PIK3C2A: variants seen among roughly 807,000 people sequenced by gnomAD.
PIK3C2A encodes phosphatidylinositol 4-phosphate 3-kinase C2 domain-containing subunit alpha.
Under a neutral mutation model 204.5 loss-of-function variants are expected in PIK3C2A, and 97 were observed. The observed-to-expected ratio is 0.47, with a 90% confidence interval of 0.40 to 0.56. PIK3C2A has a LOEUF of 0.56. Ranked by LOEUF, PIK3C2A falls within the 20% of genes least tolerant of loss-of-function variation. PIK3C2A has a pLI of 0.00. For missense variants in PIK3C2A, 1,735 were observed against 1,969.2 expected (o/e 0.88, Z 2.25); for synonymous variants, 653 against 664.4 (o/e 0.98, Z 0.26).
At chr11:17,166,035 T>A (rs1352627302) in intron 2 of PIK3C2A, among the ~76,000 whole-genome samples, 1 of 152,318 alleles carries the variant, frequency 6.6e-6, no homozygotes, top group South Asian at 2.1e-4. Context: ...ATACCTCACT[T>A]GATTTTACTA....
Position 17,091,603 on chromosome 11 carries a change from A to G in PIK3C2A, c.4696T>C (p.Ser1566Pro). Residue 1566 changes from serine to proline, a missense_variant, in exon 31 of 33, where the codon TCC becomes CCC. Ser to Pro is a moderately conservative substitution (Grantham distance 74). Around this residue, in one of 6 missense-constraint regions of PIK3C2A, gnomAD observed 503 missense variants for 669.0 expected, o/e 0.75. Coordinates refer to ENST00000691414, the MANE Select transcript of PIK3C2A (RefSeq NM_002645.4). ...AGAGTACCATTTCGGTAAGAGATGG[A>G]TAATTTCACAGCTCCTCCTATTTGG... is the stretch of plus-strand genomic sequence containing the variant. ...PGQIGGAVKL[S>P]ISYRNGTLFI... The G allele has an allele frequency of 1.2e-6, 2 of 1,613,424 alleles. No individual in the cohort carries two copies. Among genetic ancestry groups the G allele is most frequent in the Non-Finnish European group, 1.7e-6 (2 of 1,179,376 alleles).
At chr11:17,117,306 T>C (rs1414977119) in intron 19 of PIK3C2A, among the ~76,000 whole-genome samples, 185 bp downstream of exon 19, 1 of 152,216 alleles carries the variant, frequency 6.6e-6, no homozygotes, top group African/African-American at 2.4e-5. Flanking sequence ...CTGATTTTAA[T>C]AGGTTGTGAA....
chr11:17,103,388 A>G (rs1848705944), intron 23 of PIK3C2A, among the ~76,000 whole-genome samples: 1 of 152,098 alleles, frequency 6.6e-6, no homozygotes, highest in African/African-American at 2.4e-5. Context: ...ATTGTATAGA[A>G]GGATACAGCA....
At chr11:17,190,741 C>G (rs555237670) in intron 1 of PIK3C2A, among the ~76,000 whole-genome samples, 43 of 151,856 alleles carry the variant, frequency 2.8e-4, no homozygotes, top group Middle Eastern at 6.8e-3. Context: ...ATGGACTAAG[C>G]AGAAGGATTG....
At chr11:17,159,037 C>T (rs1485827596) in intron 2 of PIK3C2A, among the ~76,000 whole-genome samples, 1 of 152,192 alleles carries the variant, frequency 6.6e-6, no homozygotes, top group Non-Finnish European at 1.5e-5. Flanking sequence ...TCTGCTCTTT[C>T]TGGAATAAAA....
intron 1 of PIK3C2A, among the ~76,000 whole-genome samples, chr11:17,199,548 C>A (rs918232309): frequency 7.2e-5 from 11 of 152,136 alleles, no homozygotes; most frequent in Non-Finnish European, 1.2e-4. Context: ...CATGTATGAA[C>A]CTTGAAAACA....
In PIK3C2A at chr11:17,122,686, C is replaced by T; in HGVS notation, c.2511+16G>A. 9.4e-7 allele frequency: 1 copy of T among 1,063,582 alleles called. No individual in the cohort carries two copies. The highest frequency in any genetic ancestry group is 1.5e-6 in the Non-Finnish European group (1 of 686,790). The allele number at this position is 1,063,582 out of a possible 1,614,324, so 65.9% of individuals were successfully genotyped here. A position where few individuals can be genotyped will look rare whatever the true frequency, so the allele number is the denominator to read the frequency against. On this transcript the variant is annotated intron_variant, in intron 14 of 32. Transcript: ENST00000691414. ...TTTAAATGTACACCTCTCTACATGTCAAGAAGTACCATTACCTGTAGCACT... is the reference window on the plus strand; with the variant it reads ...TTTAAATGTACACCTCTCTACATGTTAAGAAGTACCATTACCTGTAGCACT...
chr11:17,197,186 A>C (rs966165278), intron 1 of PIK3C2A, among the ~76,000 whole-genome samples: 1 of 151,928 alleles, frequency 6.6e-6, no homozygotes, highest in African/African-American at 2.4e-5. Context: ...ATGCCTGGCT[A>C]ATTTTTTATT....
intron 8 of PIK3C2A, among the ~76,000 whole-genome samples, chr11:17,140,551 T>TA (rs1322849762): frequency 6.6e-6 from 1 of 152,134 alleles, no homozygotes; most frequent in African/African-American, 2.4e-5. Flanking sequence ...AAACCAGATG[T>TA]AAAAAACTAC....
chr11:17,171,266 T>A (rs1565289772), intron 1 of PIK3C2A, among the ~76,000 whole-genome samples: 1 of 152,174 alleles, frequency 6.6e-6, no homozygotes, highest in Non-Finnish European at 1.5e-5. Context: ...GGCATAAGCA[T>A]TAAATAAATG....
chr11:17,118,079 T>TC (rs1235129340), intron 18 of PIK3C2A, among the ~76,000 whole-genome samples: 2 of 149,330 alleles, frequency 1.3e-5, no homozygotes, highest in African/African-American at 2.5e-5. Context: ...TTTTTTTCTT[T>TC]TTTTTTTTTT....
At position 17,091,600 on chromosome 11, in the gene PIK3C2A, T is replaced by G. The variant is rs747362929; in HGVS notation, c.4699A>C (p.Ile1567Leu). 1 of 1,613,546 alleles carries G rather than the reference T, an allele frequency of 6.2e-7. No homozygotes were observed. Among genetic ancestry groups the G allele is most frequent in the Admixed American group, 1.7e-5 (1 of 60,008 alleles). ...AAAAGAGTACCATTTCGGTAAGAGATGGATAATTTCACAGCTCCTCCTATT... is the reference window on the plus strand; with the variant it reads ...AAAAGAGTACCATTTCGGTAAGAGAGGGATAATTTCACAGCTCCTCCTATT... ...GQIGGAVKLS[I>L]SYRNGTLFIM... The change falls in exon 31 of 33, where the codon ATC (isoleucine) becomes CTC (leucine). Residue 1567 changes from isoleucine (I) to leucine (L), a missense_variant. By Grantham distance (5) the Ile-to-Leu change is conservative. Coordinates refer to ENST00000691414, the MANE Select transcript of PIK3C2A (RefSeq NM_002645.4).
chr11:17,097,550 G>C (rs545220118), intron 26 of PIK3C2A, among the ~76,000 whole-genome samples: 1 of 152,330 alleles, frequency 6.6e-6, no homozygotes, highest in Admixed American at 6.5e-5. Flanking sequence ...TTGGTATAAT[G>C]CTAAAAAGAT....
At chr11:17,128,291 G>A (rs75442517) in intron 13 of PIK3C2A, among the ~76,000 whole-genome samples, 62 of 141,688 alleles carry the variant, frequency 4.4e-4, no homozygotes, top group African/African-American at 1.4e-3. Flanking sequence ...TTTTTTTGGC[G>A]GGGGGTGGGG....
chr11:17,117,541 A>G lies in PIK3C2A; in HGVS notation c.3166T>C (p.Leu1056=). The G allele has an allele frequency of 6.2e-7, 1 of 1,613,814 alleles. No homozygotes were observed. Among genetic ancestry groups the G allele is most frequent in the Non-Finnish European group, 8.5e-7 (1 of 1,179,852 alleles). ...CTTACTTTTTCTGCTACTCCTCCTA[A>G]AAGCTGTACAAGTTTCGTCTGTTTT... ...LLKQTKLVQL[L]GGVAEKVRQA... The change falls in exon 19 of 33, where the codon TTA becomes CTA. Residue 1056 remains leucine, a synonymous_variant. Transcript: ENST00000691414.
intron 27 of PIK3C2A, among the ~76,000 whole-genome samples, chr11:17,095,614 T>A (rs1263557553): frequency 2.0e-5 from 3 of 147,602 alleles, no homozygotes; most frequent in Non-Finnish European, 3.0e-5. Context: ...AATAAAAAAA[T>A]AAATAATAAA....
chr11:17,107,110 G>A (rs545618949), intron 22 of PIK3C2A, among the ~76,000 whole-genome samples: 170 of 152,176 alleles, frequency 1.1e-3, no homozygotes, highest in African/African-American at 3.7e-3. Flanking sequence ...TCAGGAGATC[G>A]AGACCATCCT....
chr11:17,094,907 C>T (rs2137268158), intron 27 of PIK3C2A, among the ~76,000 whole-genome samples: 1 of 152,284 alleles, frequency 6.6e-6, no homozygotes, highest in Non-Finnish European at 1.5e-5. Context: ...ACACATCTAA[C>T]TACATTTTAA....
intron 8 of PIK3C2A, among the ~76,000 whole-genome samples, chr11:17,142,229 C>T (rs1006508663): frequency 6.6e-6 from 1 of 152,150 alleles, no homozygotes; most frequent in East Asian, 1.9e-4. Context: ...ATATTTGAGT[C>T]TGGAGATGTG....
Sources: gnomAD v4.1 joint callset for allele counts (sites outside exome capture counted in the v4.1 genomes callset) on GRCh38, gnomAD v4.1.1 for gene constraint, gnomAD v4.1.1 regional missense constraint, MANE v1.5 for transcripts, NCBI Gene and HGNC (gene_info 2026-07-23, HGNC 2026-07-21) for gene names.